RYR2: variants seen among roughly 807,000 people sequenced by gnomAD.
The protein encoded by RYR2 is ryanodine receptor 2, also known as cardiac muscle ryanodine receptor-calcium release channel.
A neutral mutation model predicts 601.1 loss-of-function variants in RYR2; 227 were observed. That is an observed-to-expected ratio of 0.38 (90% CI 0.34 to 0.42). The LOEUF is 0.42. Among genes scored for constraint, RYR2 ranks in the 10% least tolerant of loss-of-function variants. The pLI is 1.00. For synonymous variants in RYR2, 2,223 were observed against 2,175.1 expected, an observed-to-expected ratio of 1.02 and a Z score of -0.61; for missense variants, 4,646 against 6,156.5, an observed-to-expected ratio of 0.75 and a Z score of 8.21.
chr1:237,651,873 A>T (rs926981904), intron 51 of RYR2, among the ~76,000 whole-genome samples: 27 of 152,142 alleles, frequency 1.8e-4, no homozygotes, highest in Middle Eastern at 6.8e-3. Context: ...CCGTCTCTAT[A>T]AAAAATACAA....
chr1:237,601,736 A>C (rs1046369958), intron 34 of RYR2, among the ~76,000 whole-genome samples: 3 of 152,168 alleles, frequency 2.0e-5, no homozygotes, highest in African/African-American at 7.2e-5. Flanking sequence ...AAAAACAGTA[A>C]ATTAGAAATT....
Position 237,569,421 on chromosome 1 carries a change from A to G in RYR2, c.3598+102A>G. ...CGTTTCTGTTTCAGGGTGAGTGAGC[A>G]GATGAGTTGCAGCTGTAAATCGTGA... On this transcript the variant is annotated intron_variant, in intron 29 of 104. Coordinates refer to ENST00000366574, the MANE Select transcript of RYR2 (RefSeq NM_001035.3). 5 of 1,090,858 alleles carry G rather than the reference A, an allele frequency of 4.6e-6. No individual in the cohort carries two copies. In the South Asian group the frequency reaches 5.8e-5, roughly 13 times the overall value. The allele number at this position is 1,090,858 out of a possible 1,614,324, so 67.6% of individuals were successfully genotyped here.
chr1:237,478,875 G>A (rs1246570932), intron 17 of RYR2, among the ~76,000 whole-genome samples: 1 of 152,166 alleles, frequency 6.6e-6, no homozygotes, highest in African/African-American at 2.4e-5. Context: ...GGGGCCAGCG[G>A]GATGGATAGT....
intron 80 of RYR2, among the ~76,000 whole-genome samples, chr1:237,745,070 G>C (rs1337779798): frequency 2.0e-5 from 3 of 151,888 alleles, no homozygotes; most frequent in Admixed American, 2.0e-4. Flanking sequence ...CAAAGTGCTG[G>C]GATTACAGTC....
intron 50 of RYR2, among the ~76,000 whole-genome samples, chr1:237,650,615 A>C (rs1166638826): frequency 6.6e-6 from 1 of 152,214 alleles, no homozygotes; most frequent in Non-Finnish European, 1.5e-5. Flanking sequence ...TCTTACAATG[A>C]AAACCAGAAA....
rs1183399354 is a variant in RYR2, at chr1:237,133,462, A to G, written c.48+90893A>G. 3.3e-4 allele frequency among the ~76,000 whole-genome samples: 50 copies of G among 152,152 alleles called. 1 individual carries two copies. Among genetic ancestry groups the G allele is most frequent in the Admixed American group, 3.3e-3 (50 of 15,270 alleles). On this transcript the variant is annotated intron_variant, in intron 1 of 104. Coordinates refer to ENST00000366574, the MANE Select transcript of RYR2 (RefSeq NM_001035.3). ...GATATTTTGCTCAGCTCCAGGTTTA[A>G]TAGGAGGGAGGGTTGAGTTATTTGT...
At chr1:237,493,515 C>G (rs543910089) in intron 19 of RYR2, among the ~76,000 whole-genome samples, 2 of 152,084 alleles carry the variant, frequency 1.3e-5, no homozygotes, top group Non-Finnish European at 2.9e-5. Context: ...TGCAGTGGCA[C>G]GATCTCGGCT....
chr1:237,218,673 G>C (rs527617093), intron 1 of RYR2, among the ~76,000 whole-genome samples: 15 of 152,296 alleles, frequency 9.8e-5, no homozygotes, highest in African/African-American at 3.1e-4. Context: ...GCTGGGGTAT[G>C]GGGGACTACA....
intron 1 of RYR2, among the ~76,000 whole-genome samples, chr1:237,099,264 G>T (rs1278729189): frequency 1.3e-5 from 2 of 151,936 alleles, no homozygotes; most frequent in South Asian, 2.1e-4. Context: ...TTGAGACAGG[G>T]TCTTGTTCTG....
intron 84 of RYR2, among the ~76,000 whole-genome samples, chr1:237,763,794 T>C (rs1330626423): frequency 1.3e-5 from 2 of 152,246 alleles, no homozygotes; most frequent in African/African-American, 2.4e-5. Context: ...TTCCAGATTG[T>C]TTTAAGAATT....
intron 1 of RYR2, among the ~76,000 whole-genome samples, chr1:237,044,499 CAGCT>C (rs1021737951): frequency 3.3e-5 from 5 of 152,166 alleles, no homozygotes; most frequent in Non-Finnish European, 7.4e-5. Context: ...AGCTGCCTGT[CAGCT>C]AGAGCAGCAC....
At chr1:237,793,536 G>T (rs1403767310) in intron 94 of RYR2, among the ~76,000 whole-genome samples, 1 of 152,198 alleles carries the variant, frequency 6.6e-6, no homozygotes, top group East Asian at 1.9e-4. Context: ...ATTCATTCAT[G>T]TTGAGAGATA....
chr1:237,344,928 A>G (rs1242851303), intron 3 of RYR2, among the ~76,000 whole-genome samples: 1 of 152,088 alleles, frequency 6.6e-6, no homozygotes, highest in Non-Finnish European at 1.5e-5. Flanking sequence ...CTCCTGCCTC[A>G]GCCTCCTGAG....
At chr1:237,586,003 TA>T (rs918996856) in intron 29 of RYR2, among the ~76,000 whole-genome samples, 19 of 152,348 alleles carry the variant, frequency 1.2e-4, no homozygotes, top group African/African-American at 3.8e-4. Context: ...CTCTCCTACT[TA>T]AAGAACTGAG....
chr1:237,391,935 C>T (rs1273963748), intron 10 of RYR2, among the ~76,000 whole-genome samples: 1 of 152,060 alleles, frequency 6.6e-6, no homozygotes, highest in South Asian at 2.1e-4. Flanking sequence ...CTGACGTGTT[C>T]ATGAAATACA....
chr1:237,088,485 C>A lies in RYR2; in HGVS notation c.48+45916C>A, dbSNP rs148554565. Among the ~76,000 whole-genome samples, 333 of 152,306 alleles carry A rather than the reference C, an allele frequency of 2.2e-3. 2 individuals are homozygous for A. Among genetic ancestry groups the A allele is most frequent in the Middle Eastern group, 6.8e-3 (2 of 294 alleles). ...TGGAAGTTGTGTACTGGAATCAATG[C>A]TTTTCGCAATTTATTATCTCAAACT... On this transcript the variant is annotated intron_variant, in intron 1 of 104. Transcript: ENST00000366574.
chr1:237,352,744 G>T, intron 3 of RYR2: 1 of 341,482 alleles, frequency 2.9e-6, no homozygotes, highest in East Asian at 7.9e-5. Flanking sequence ...CAGAAAAATA[G>T]AGCAGGATAG....
chr1:237,618,058 G>T (rs560798192), intron 38 of RYR2, among the ~76,000 whole-genome samples: 1 of 152,150 alleles, frequency 6.6e-6, no homozygotes, highest in South Asian at 2.1e-4. Context: ...AGTGTGGGAA[G>T]TTACTGGCGT....
intron 89 of RYR2, 115 bp from the exon 90 acceptor site, chr1:237,783,560 A>G: frequency 1.5e-6 from 1 of 648,124 alleles, no homozygotes; most frequent in Admixed American, 3.0e-5. Context: ...AGAGTGAGAG[A>G]TAAACAGGGA....
Sources: gnomAD v4.1 joint callset for allele counts (sites outside exome capture counted in the v4.1 genomes callset) on GRCh38, gnomAD v4.1.1 for gene constraint, MANE v1.5 for transcripts, NCBI Gene and HGNC (gene_info 2026-07-23, HGNC 2026-07-21) for gene names.